TSHZ2: variants seen among roughly 807,000 people sequenced by gnomAD.
TSHZ2 encodes teashirt homolog 2.
In TSHZ2, 21 loss-of-function variants were observed where a neutral mutation model predicts 74.4. That is an observed-to-expected ratio of 0.28 (90% CI 0.20 to 0.41). The LOEUF is 0.41. Ranked by LOEUF, TSHZ2 falls within the 10% of genes least tolerant of loss-of-function variation. The pLI is 1.00. For synonymous variants in TSHZ2, 540 were observed against 515.3 expected (o/e 1.05, Z -0.65); for missense variants, 1,244 against 1,293.5 (o/e 0.96, Z 0.59).
At chr20:53,069,522 TC>T (rs1464555486) in intron 1 of TSHZ2, among the ~76,000 whole-genome samples, 1 of 152,084 alleles carries the variant, frequency 6.6e-6, no homozygotes, top group African/African-American at 2.4e-5. Flanking sequence ...ATTATCTAAA[TC>T]CGAGTGACAA....
intron 1 of TSHZ2, among the ~76,000 whole-genome samples, chr20:53,099,383 C>T (rs922708889): frequency 6.6e-6 from 1 of 152,172 alleles, no homozygotes; most frequent in Non-Finnish European, 1.5e-5. Context: ...CAAGGTCCAG[C>T]TTAGACTCGA....
intron 2 of TSHZ2, among the ~76,000 whole-genome samples, chr20:53,476,139 A>T (rs1272698646): frequency 6.8e-6 from 1 of 146,380 alleles, no homozygotes; most frequent in Non-Finnish European, 1.5e-5. Flanking sequence ...AAAAGAGAGA[A>T]TCCTCCCTAA....
At chr20:53,321,541 A>G (rs1483652490) in intron 2 of TSHZ2, among the ~76,000 whole-genome samples, 2 of 151,882 alleles carry the variant, frequency 1.3e-5, no homozygotes, top group Non-Finnish European at 2.9e-5. Flanking sequence ...AAAATTAGCC[A>G]GGCATGGTGG....
chr20:53,239,068 C>A (rs567924637), intron 1 of TSHZ2, among the ~76,000 whole-genome samples: 1 of 152,260 alleles, frequency 6.6e-6, no homozygotes, highest in Admixed American at 6.5e-5. Context: ...ATGAACCAGA[C>A]AGATAAGTCT....
chr20:53,454,720 G>T (rs979318832), intron 2 of TSHZ2, among the ~76,000 whole-genome samples: 3 of 151,952 alleles, frequency 2.0e-5, no homozygotes, highest in Admixed American at 6.6e-5. Flanking sequence ...CCTCCCAATT[G>T]TCCCATAGAA....
chr20:53,118,937 A>G (rs144142336), intron 1 of TSHZ2, among the ~76,000 whole-genome samples: 1 of 152,272 alleles, frequency 6.6e-6, no homozygotes, highest in African/African-American at 2.4e-5. Context: ...AACACATCCC[A>G]TGGCTGAAGT....
chr20:53,358,862 G>T (rs1209175606), intron 2 of TSHZ2, among the ~76,000 whole-genome samples: 4 of 152,082 alleles, frequency 2.6e-5, no homozygotes, highest in Non-Finnish European at 5.9e-5. Context: ...AAAATCTTTT[G>T]TCTCTCCCTT....
chr20:53,133,296 G>C (rs1019365049), intron 1 of TSHZ2, among the ~76,000 whole-genome samples: 3 of 152,134 alleles, frequency 2.0e-5, no homozygotes, highest in African/African-American at 7.2e-5. Flanking sequence ...CCTTGCCTTT[G>C]ATGTACCTCC....
In TSHZ2 at chr20:52,981,347, C is replaced by T. The variant is rs548692442; in HGVS notation, c.40+8014C>T. 3.3e-5 allele frequency among the ~76,000 whole-genome samples: 5 copies of T among 152,246 alleles called. No individual in the cohort carries two copies. The East Asian group carries it at 7.7e-4, about 24-fold the overall frequency. On this transcript the variant is annotated intron_variant, in intron 1 of 2. Transcript: ENST00000371497. ...TCTAGGTCTAATTCTTATTCGGCCGCGTAAACTTGGGCAGGCTGCTCAAAT... is the reference window on the plus strand; with the variant it reads ...TCTAGGTCTAATTCTTATTCGGCCGTGTAAACTTGGGCAGGCTGCTCAAAT...
Position 52,981,490 on chromosome 20 carries a change from G to A in TSHZ2, c.40+8157G>A, listed in dbSNP as rs540146559. Among the ~76,000 whole-genome samples, 3 of 152,310 alleles carry A rather than the reference G, an allele frequency of 2.0e-5. No individual in the cohort carries two copies. In the South Asian group the frequency reaches 6.2e-4, roughly 32 times the overall value. ...TGCTGAAACTGTTAGGCACCACAGG[G>A]ATACGAGGGAATAGTGTGTCTTTAC... On this transcript the variant is annotated intron_variant, in intron 1 of 2. Transcript: ENST00000371497.
intron 2 of TSHZ2, among the ~76,000 whole-genome samples, chr20:53,454,026 A>C (rs1393382489): frequency 2.0e-5 from 3 of 152,170 alleles, no homozygotes; most frequent in African/African-American, 2.4e-5. Flanking sequence ...TCATATACAC[A>C]CATGCACCAA....
chr20:53,396,463 G>C (rs895770507), intron 2 of TSHZ2, among the ~76,000 whole-genome samples: 3 of 152,102 alleles, frequency 2.0e-5, no homozygotes, highest in African/African-American at 7.2e-5. Flanking sequence ...AAATGAAACA[G>C]TCAGCATACA....
intron 2 of TSHZ2, among the ~76,000 whole-genome samples, chr20:53,355,172 A>G (rs1487505873): frequency 2.0e-5 from 3 of 152,230 alleles, no homozygotes; most frequent in African/African-American, 7.2e-5. Flanking sequence ...ATTTTTTTAA[A>G]TAAGCAAAAA....
chr20:53,013,462 C>G (rs937107439), intron 1 of TSHZ2, among the ~76,000 whole-genome samples: 5 of 152,128 alleles, frequency 3.3e-5, no homozygotes, highest in Admixed American at 2.6e-4. Context: ...CAACTGTTCT[C>G]CATAAGAACA....
chr20:53,268,758 G>A (rs1404860556), intron 2 of TSHZ2, among the ~76,000 whole-genome samples: 1 of 152,204 alleles, frequency 6.6e-6, no homozygotes, highest in African/African-American at 2.4e-5. Context: ...CATGGTGAGG[G>A]TTTTAACCCC....
chr20:53,437,189 C>A (rs1228611392), intron 2 of TSHZ2, among the ~76,000 whole-genome samples: 1 of 152,118 alleles, frequency 6.6e-6, no homozygotes, highest in Admixed American at 6.6e-5. Flanking sequence ...AAAATCCACT[C>A]AGGCCAGGCA....
chr20:53,348,507 G>A (rs1980525076), intron 2 of TSHZ2, among the ~76,000 whole-genome samples: 2 of 151,322 alleles, frequency 1.3e-5, no homozygotes, highest in South Asian at 4.2e-4. Context: ...CACATTAACT[G>A]TGTTTCTTTT....
intron 2 of TSHZ2, among the ~76,000 whole-genome samples, chr20:53,478,602 T>C (rs13037329): frequency 0.2 from 29,448 of 149,850 alleles, 3,027 homozygotes; most frequent in East Asian, 0.29. Flanking sequence ...GCATGGCACA[T>C]GTATACATAT....
intron 2 of TSHZ2, among the ~76,000 whole-genome samples, chr20:53,331,316 G>A (rs780499892): frequency 7.9e-5 from 12 of 152,200 alleles, no homozygotes; most frequent in Admixed American, 5.9e-4. Flanking sequence ...GAGAAGCCAC[G>A]GAAAGCTCTG....
Sources: gnomAD v4.1 joint callset for allele counts (sites outside exome capture counted in the v4.1 genomes callset) on GRCh38, gnomAD v4.1.1 for gene constraint, MANE v1.5 for transcripts, NCBI Gene and HGNC (gene_info 2026-07-23, HGNC 2026-07-21) for gene names.